The following ALK variants were observed in gnomAD, a reference collection of about 807,000 sequenced individuals.
ALK encodes ALK receptor tyrosine kinase.
ALK carries 74 observed loss-of-function variants against 163.1 expected under a neutral mutation model. That is an observed-to-expected ratio of 0.45 (90% confidence interval 0.38 to 0.55). The LOEUF (loss-of-function observed/expected upper bound fraction) is 0.55, where lower values mean the gene tolerates loss of function less well. ALK is among the 20% of genes least tolerant of loss of function. ALK has a pLI of 0.00. For missense variants in ALK, 2,063 were observed against 2,105.3 expected, an observed-to-expected ratio of 0.98 and a Z score of 0.39; for synonymous variants, 960 against 843.2, an observed-to-expected ratio of 1.14 and a Z score of -2.40.
chr2:29,702,038 C>T (rs936190845), intron 2 of ALK, among the ~76,000 whole-genome samples: 4 of 151,910 alleles, frequency 2.6e-5, no homozygotes, highest in Non-Finnish European at 5.9e-5. Flanking sequence ...AAACAGTGTA[C>T]GAGCTCCACA....
At chr2:29,875,116 A>G (rs13016465) in intron 1 of ALK, among the ~76,000 whole-genome samples, 43,275 of 152,154 alleles carry the variant, frequency 0.28, 6,541 homozygotes, top group Non-Finnish European at 0.34. Context: ...AATAACCCAA[A>G]TGACCATCAA....
Position 29,269,899 on chromosome 2 carries a change from C to T in ALK, c.2041+5200G>A, listed in dbSNP as rs1215836445. 2.0e-5 allele frequency among the ~76,000 whole-genome samples: 3 copies of T among 152,216 alleles called. No individual in the cohort carries two copies. The East Asian group carries it at 5.8e-4, about 29-fold the overall frequency. ...AATGCCAATTAGCTGCAATTATCAG[C>T]TTTCTTACATGTGCGTGGGAACACT... On this transcript the variant is annotated intron_variant, in intron 11 of 28. Transcript: ENST00000389048.
chr2:29,432,284 C>T (rs1188206091), intron 4 of ALK, among the ~76,000 whole-genome samples: 1 of 152,026 alleles, frequency 6.6e-6, no homozygotes, highest in Non-Finnish European at 1.5e-5. Flanking sequence ...CAATTGAGTT[C>T]TCACTTTATT....
chr2:29,748,310 C>T (rs376466054), intron 1 of ALK, among the ~76,000 whole-genome samples: 16 of 152,212 alleles, frequency 1.1e-4, no homozygotes, highest in African/African-American at 3.9e-4. Context: ...TAGAATGACA[C>T]TTTCTACTCA....
intron 22 of ALK, among the ~76,000 whole-genome samples, chr2:29,221,508 AC>A (rs1213928318): frequency 6.6e-6 from 1 of 152,096 alleles, no homozygotes; most frequent in Admixed American, 6.5e-5. Flanking sequence ...ATGGTTAGTT[AC>A]CACCAAGTAG....
intron 12 of ALK, among the ~76,000 whole-genome samples, chr2:29,240,162 G>GAC (rs1243052805): frequency 6.6e-6 from 1 of 151,224 alleles, no homozygotes; most frequent in Non-Finnish European, 1.5e-5. Context: ...CAGAGAGAGA[G>GAC]AGAGAGAGAG....
chr2:29,773,201 A>G (rs533442857), intron 1 of ALK, among the ~76,000 whole-genome samples: 1 of 151,886 alleles, frequency 6.6e-6, no homozygotes, highest in African/African-American at 2.4e-5. Context: ...TACACTACAC[A>G]TCTTTTCTAT....
intron 3 of ALK, among the ~76,000 whole-genome samples, chr2:29,582,251 GCAGT>G (rs1282282901): frequency 6.6e-6 from 1 of 152,174 alleles, no homozygotes; most frequent in African/African-American, 2.4e-5. Flanking sequence ...TCCTGCTCAG[GCAGT>G]CATAGAGGAG....
intron 1 of ALK, among the ~76,000 whole-genome samples, chr2:29,765,255 C>A (rs1372850357): frequency 6.6e-6 from 1 of 152,170 alleles, no homozygotes; most frequent in Non-Finnish European, 1.5e-5. Flanking sequence ...AGTATTCATT[C>A]TCCATGACTT....
intron 15 of ALK, among the ~76,000 whole-genome samples, chr2:29,230,937 C>T (rs1664183296): frequency 6.6e-6 from 1 of 150,890 alleles, no homozygotes; most frequent in South Asian, 2.1e-4. Flanking sequence ...GCTCAGCCCC[C>T]AGCTGAGGAG....
intron 4 of ALK, among the ~76,000 whole-genome samples, chr2:29,450,314 T>C (rs1670789758): frequency 6.6e-6 from 1 of 152,180 alleles, no homozygotes; most frequent in East Asian, 1.9e-4. Flanking sequence ...CAAGTGGCTT[T>C]GGTAATGATG....
rs578200741 is a variant in ALK, at chr2:29,822,900, C to T, written c.667+97093G>A. Among the ~76,000 whole-genome samples the T allele has an allele frequency of 6.4e-4, 98 of 152,244 alleles. 1 individual carries two copies. The highest frequency in any genetic ancestry group is 2.2e-3 in the African/African-American group (92 of 41,532). ...CTCTCTCAGTTCTGGCTTTTATTTC[C>T]GAATTCAATGATTCTACATGGAGGG... On this transcript the variant is annotated intron_variant, in intron 1 of 28. Coordinates refer to ENST00000389048, the MANE Select transcript of ALK (RefSeq NM_004304.5).
At chr2:29,245,016 C>T (rs1664622052) in intron 12 of ALK, among the ~76,000 whole-genome samples, 1 of 151,976 alleles carries the variant, frequency 6.6e-6, no homozygotes, top group Non-Finnish European at 1.5e-5. Context: ...GGCTCAGTGC[C>T]TGACACGTGG....
intron 3 of ALK, among the ~76,000 whole-genome samples, chr2:29,589,043 A>G (rs1266119693): frequency 6.6e-6 from 1 of 152,154 alleles, no homozygotes; most frequent in Non-Finnish European, 1.5e-5. Flanking sequence ...GCCTGAACAC[A>G]CACATGAGGT....
chr2:29,448,364 CTCT>C (rs1288211200), intron 4 of ALK, among the ~76,000 whole-genome samples: 4 of 152,208 alleles, frequency 2.6e-5, no homozygotes, highest in Non-Finnish European at 5.9e-5. Flanking sequence ...CAATTCTCTT[CTCT>C]TCTTAATAGA....
At chr2:29,372,674 C>T (rs1442768767) in intron 5 of ALK, among the ~76,000 whole-genome samples, 1 of 152,194 alleles carries the variant, frequency 6.6e-6, no homozygotes, top group Non-Finnish European at 1.5e-5. Flanking sequence ...ACATGTAGCA[C>T]CCAAATGACT....
chr2:29,312,409 T>C (rs1399076362), intron 8 of ALK, among the ~76,000 whole-genome samples: 1 of 152,076 alleles, frequency 6.6e-6, no homozygotes, highest in African/African-American at 2.4e-5. Flanking sequence ...GGGGGCTTCC[T>C]CCAAGGGCTA....
At chr2:29,373,595 G>C (rs1256144458) in intron 5 of ALK, among the ~76,000 whole-genome samples, 1 of 152,232 alleles carries the variant, frequency 6.6e-6, no homozygotes, top group East Asian at 1.9e-4. Flanking sequence ...AGTTGCCCAA[G>C]CAGGCATTGT....
Position 29,892,153 on chromosome 2 carries a change from T to C in ALK, c.667+27840A>G, listed in dbSNP as rs541231140. The C allele has an allele frequency of 5.3e-5, 8 of 152,302 alleles. No homozygotes were observed. In the East Asian group the frequency reaches 1.5e-3, roughly 29 times the overall value. The allele number at this position is 152,302 out of a possible 1,614,324, so 9.4% of individuals were successfully genotyped here. On this transcript the variant is annotated intron_variant, in intron 1 of 28. Coordinates refer to ENST00000389048, the MANE Select transcript of ALK (RefSeq NM_004304.5). Reference sequence around the variant, plus strand: ...TTGGCTTCAAGATTTCCTTTGCTGATTGGAATGTGTGCAGAAGGGGCAATG... The same window carrying C: ...TTGGCTTCAAGATTTCCTTTGCTGACTGGAATGTGTGCAGAAGGGGCAATG...
Sources: gnomAD v4.1 joint callset for allele counts (sites outside exome capture counted in the v4.1 genomes callset) on GRCh38, gnomAD v4.1.1 for gene constraint, MANE v1.5 for transcripts, NCBI Gene and HGNC (gene_info 2026-07-23, HGNC 2026-07-21) for gene names.